LRRC9: variants seen among roughly 807,000 people sequenced by gnomAD.
LRRC9 encodes leucine-rich repeat-containing protein 9.
Under a neutral mutation model 63.2 loss-of-function variants are expected in LRRC9, and 122 were observed. The observed-to-expected ratio is 1.93, with a 90% CI of 1.67 to 2.24. The LOEUF is 2.24. LRRC9 is among the 30% of genes most tolerant of loss of function. The pLI, the probability that LRRC9 is intolerant of heterozygous loss-of-function variation, is 0.00. For missense variants in LRRC9, 1,071 were observed against 627.7 expected, an observed-to-expected ratio of 1.71 and a Z score of -7.55; for synonymous variants, 366 against 213.1, an observed-to-expected ratio of 1.72 and a Z score of -6.25.
rs1052148934 is a variant in LRRC9, at chr14:60,051,154, C to G, written c.3991-1911C>G. On this transcript the variant is annotated intron_variant, in intron 29 of 31. Coordinates refer to ENST00000445360, the Ensembl canonical transcript of LRRC9. The surrounding 1 kb of genome is among the most constrained non-coding windows in gnomAD (Gnocchi z 4.7). ...CTCTTCCTAGTCCGGACCTCCTGGA[C>G]TCTCCAGAGCCAGCAGGCTGGAAAA... Among the ~76,000 whole-genome samples the G allele has an allele frequency of 1.1e-4, 17 of 152,238 alleles. No homozygotes were observed. The highest frequency in any genetic ancestry group is 4.1e-4 in the African/African-American group (17 of 41,474).
chr14:59,940,024 G>A (rs1594827895), intron 7 of LRRC9, among the ~76,000 whole-genome samples: 1 of 151,948 alleles, frequency 6.6e-6, no homozygotes, highest in South Asian at 2.1e-4. Flanking sequence ...TAAATGTTGG[G>A]TAGAAGAGAA....
chr14:59,937,937 G>C (rs1446005431), intron 6 of LRRC9, among the ~76,000 whole-genome samples: 1 of 152,120 alleles, frequency 6.6e-6, no homozygotes, highest in African/African-American at 2.4e-5. Context: ...TAATGAACAG[G>C]GGATCCCATA....
At chr14:59,933,649 A>T (rs1889894274) in intron 6 of LRRC9, among the ~76,000 whole-genome samples, 1 of 152,216 alleles carries the variant, frequency 6.6e-6, no homozygotes, top group Admixed American at 6.5e-5. Flanking sequence ...AGGCAGATTA[A>T]GTCCCTTAAA....
exon 23 of LRRC9, chr14:60,008,177 A>G (rs978152921): frequency 5.7e-6 from 4 of 701,778 alleles, no homozygotes; most frequent in South Asian, 1.5e-5. Context: ...GTAATATTTC[A>G]TCTTCCAGAA....
intron 17 of LRRC9, among the ~76,000 whole-genome samples, chr14:59,988,956 T>A (rs1344396741): frequency 6.6e-6 from 1 of 152,202 alleles, no homozygotes; most frequent in African/African-American, 2.4e-5. Context: ...CTGGGGCATC[T>A]TAAATGTTAC....
intron 8 of LRRC9, among the ~76,000 whole-genome samples, chr14:59,950,596 T>C (rs1307851241): frequency 7.6e-4 from 86 of 113,648 alleles, no homozygotes; most frequent in African/African-American, 2.9e-3. Flanking sequence ...CTAGTCTCGA[T>C]GGTCTTTACA....
intron 8 of LRRC9, 85 bp downstream of exon 8, chr14:59,944,829 G>T: frequency 3.7e-6 from 2 of 540,578 alleles, no homozygotes; most frequent in Non-Finnish European, 6.4e-6. Flanking sequence ...TTTAAATTAT[G>T]TATATACACA....
In LRRC9 at chr14:60,054,423, C is replaced by A. The variant is rs566948886; in HGVS notation, c.4131+1218C>A. ...CCCCACCCCTTCCAACGCCCTCCCC[C>A]ATAGGTTCAAATTAGATGTGGGAGA... On this transcript the variant is annotated intron_variant, in intron 30 of 31. Coordinates refer to ENST00000445360, the Ensembl canonical transcript of LRRC9. Among the ~76,000 whole-genome samples, 3 of 152,068 alleles carry A rather than the reference C, an allele frequency of 2.0e-5. 1 individual carries two copies. Among genetic ancestry groups the A allele is most frequent in the African/African-American group, 7.2e-5 (3 of 41,392 alleles).
At chr14:59,991,983 G>A (rs1369160572) in intron 17 of LRRC9, among the ~76,000 whole-genome samples, 1 of 152,178 alleles carries the variant, frequency 6.6e-6, no homozygotes, top group Non-Finnish European at 1.5e-5. Flanking sequence ...CCAGCACGCA[G>A]CTGGAGATCT....
chr14:59,999,190 A>G (rs1048140540), exon 19 of LRRC9: 1 of 701,642 alleles, frequency 1.4e-6, no homozygotes. Flanking sequence ...AAGCAACAGC[A>G]GCTATGAAAT....
In LRRC9 at chr14:60,003,613, T is replaced by C. The variant is rs1317971675; in HGVS notation, c.2665-8T>C. 6.1e-6 allele frequency: 4 copies of C among 652,208 alleles called. No individual in the cohort carries two copies. In the African/African-American group the frequency reaches 7.4e-5, roughly 12 times the overall value. 40.4% of individuals were successfully genotyped at this position (652,208 alleles called of 1,614,324 possible). A position where few individuals can be genotyped will look rare whatever the true frequency, so the allele number is the denominator to read the frequency against. On this transcript the variant is annotated splice_polypyrimidine_tract_variant and splice_region_variant and intron_variant, in intron 20 of 31. Coordinates refer to ENST00000445360, the Ensembl canonical transcript of LRRC9. This position sits in a 1 kb window ranked among gnomAD's most constrained non-coding sequence, Gnocchi z 4.2. ...TAGAAATAACATACAATGTAAATTA[T>C]TCTACAGATAACTGCCTTAAATTTA...
In LRRC9 at chr14:59,922,093, AT is replaced by A. The variant is rs1481044919; in HGVS notation, c.-34+2211del. On this transcript the variant is annotated intron_variant, in intron 1 of 31. Transcript: ENST00000445360. The surrounding 1 kb of genome is among the most constrained non-coding windows in gnomAD (Gnocchi z 5.3). ...AGTGAGATTCTGTCTCAAAAAAAAAATAAATAAATAAATAAGAAAGAAAAAA... is the reference window on the plus strand; with the variant it reads ...AGTGAGATTCTGTCTCAAAAAAAAAAAAATAAATAAATAAGAAAGAAAAAA... Among the ~76,000 whole-genome samples the A allele has an allele frequency of 9.2e-5, 14 of 151,890 alleles. No homozygotes were observed. The highest frequency in any genetic ancestry group is 3.1e-4 in the African/African-American group (13 of 41,412).
Position 60,031,385 on chromosome 14 carries a change from TA to T in LRRC9, c.3922-607del, listed in dbSNP as rs1891978061. On this transcript the variant is annotated intron_variant, in intron 28 of 31. Transcript: ENST00000445360. The surrounding 1 kb of genome is among the most constrained non-coding windows in gnomAD (Gnocchi z 4.6). The stretch of plus-strand genomic sequence containing the variant: ...ACAACCTTAGGCTGAGCTTGTTGGC[TA>T]AAGTTTGTCAGAAATAGCATTTTAG... Among the ~76,000 whole-genome samples, 1 of 152,094 alleles carries T rather than the reference TA, an allele frequency of 6.6e-6. No individual in the cohort carries two copies. The highest frequency in any genetic ancestry group is 1.5e-5 in the Non-Finnish European group (1 of 67,938).
downstream of LRRC9, among the ~76,000 whole-genome samples, chr14:60,065,806 T>C (rs952799325): frequency 1.3e-5 from 2 of 151,398 alleles, no homozygotes; most frequent in Admixed American, 1.3e-4. Context: ...ATTATATAAC[T>C]TGTTTTCATT....
At chr14:60,015,061 T>G (rs1453869843) in intron 23 of LRRC9, among the ~76,000 whole-genome samples, 1 of 152,186 alleles carries the variant, frequency 6.6e-6, no homozygotes, top group Non-Finnish European at 1.5e-5. Flanking sequence ...CTTTCCACTC[T>G]GCTATTGAGT....
In LRRC9 at chr14:60,053,309, A is replaced by G. The variant is rs1387622600; in HGVS notation, c.4131+104A>G. 5 of 593,456 alleles carry G rather than the reference A, an allele frequency of 8.4e-6. No homozygotes were observed. Among genetic ancestry groups the G allele is most frequent in the South Asian group, 2.1e-5 (1 of 47,712 alleles). 36.8% of individuals were successfully genotyped at this position (593,456 alleles called of 1,614,324 possible). A position where few individuals can be genotyped will look rare whatever the true frequency, so the allele number is the denominator to read the frequency against. ...AATGTTTAAACCTATGGCGTTTTTG[A>G]TAAGGATGATCTTAGTATCTATTTA... On this transcript the variant is annotated intron_variant, in intron 30 of 31. Transcript: ENST00000445360. This position sits in a 1 kb window ranked among gnomAD's most constrained non-coding sequence, Gnocchi z 4.8.
At chr14:60,038,692 T>C (rs531667329) in intron 29 of LRRC9, among the ~76,000 whole-genome samples, 2 of 152,330 alleles carry the variant, frequency 1.3e-5, no homozygotes, top group African/African-American at 4.8e-5. Context: ...TTTCCAAATA[T>C]ACAATCATGT....
exon 26 of LRRC9, chr14:60,019,141 T>C (rs1258163535): frequency 2.9e-6 from 2 of 694,748 alleles, no homozygotes; most frequent in Non-Finnish European, 2.6e-6. Flanking sequence ...TTAACTATAA[T>C]CATATTGAAT....
At chr14:60,045,051 C>CTTTTTTT (rs200934262) in intron 29 of LRRC9, among the ~76,000 whole-genome samples, 5 of 118,902 alleles carry the variant, frequency 4.2e-5, no homozygotes, top group East Asian at 2.4e-4. Flanking sequence ...CTTTCCTTGT[C>CTTTTTTT]TTTTTTTTTT....
Sources: allele counts gnomAD v4.1 joint callset (sites outside exome capture counted in the v4.1 genomes callset), GRCh38; gene constraint gnomAD v4.1.1; non-coding constraint Gnocchi (gnomAD v3.1); transcripts MANE v1.5; gene names NCBI Gene and HGNC (gene_info 2026-07-23, HGNC 2026-07-21).